NTF3: variants seen among roughly 807,000 people sequenced by gnomAD.
NTF3 encodes the protein neurotrophin 3, also known as neurotrophin-3.
NTF3 carries 8 observed loss-of-function variants against 26.3 expected under a neutral mutation model. That is an observed-to-expected ratio of 0.30 (90% CI 0.18 to 0.55). The LOEUF is 0.55. Among genes scored for constraint, NTF3 ranks in the 20% least tolerant of loss-of-function variants. The pLI is 0.93. For missense variants in NTF3, 276 were observed against 352.9 expected (o/e 0.78, Z 1.75); for synonymous variants, 154 against 145.5 (o/e 1.06, Z -0.42).
chr12:5,475,243 C>T (rs781005516), intron 1 of NTF3, among the ~76,000 whole-genome samples: 3 of 152,064 alleles, frequency 2.0e-5, no homozygotes, highest in East Asian at 3.9e-4. Context: ...AGAGAGGTGC[C>T]GTCTGGAGGA....
At chr12:5,490,174 T>A (rs1294995024) in intron 1 of NTF3, among the ~76,000 whole-genome samples, 1 of 152,116 alleles carries the variant, frequency 6.6e-6, no homozygotes, top group Non-Finnish European at 1.5e-5. Flanking sequence ...TGTATTTTCT[T>A]TGGGAAAAGA....
rs151238666 is a variant in NTF3 at position 5,488,357 on chromosome 12, G to C, written c.19-5837G>C. Among the ~76,000 whole-genome samples the C allele has an allele frequency of 1.2e-3, 189 of 152,280 alleles. 2 individuals carry two copies. The East Asian group carries it at 0.02, about 16-fold the overall frequency. On this transcript the variant is annotated intron_variant, in intron 1 of 1. Coordinates refer to ENST00000423158, the MANE Select transcript of NTF3 (RefSeq NM_001102654.2). ...CACCTTCCCTTTGAGCGTCATCTGT[G>C]CATTTTAATTAATCTGCCACTTTTT...
At chr12:5,462,952 A>G (rs892023095) in intron 1 of NTF3, among the ~76,000 whole-genome samples, 2 of 152,190 alleles carry the variant, frequency 1.3e-5, no homozygotes, top group African/African-American at 4.8e-5. Context: ...GACTCTTTTC[A>G]GAATGTTTCT....
chr12:5,491,716 C>CTTTTTTT (rs5796156), intron 1 of NTF3, among the ~76,000 whole-genome samples: 11 of 98,250 alleles, frequency 1.1e-4, no homozygotes, highest in Non-Finnish European at 1.8e-4. Flanking sequence ...CTCTCCTCTT[C>CTTTTTTT]TTTTTTTTTT....
intron 1 of NTF3, among the ~76,000 whole-genome samples, chr12:5,448,332 A>T (rs565973953): frequency 6.6e-6 from 1 of 151,830 alleles, no homozygotes; most frequent in Non-Finnish European, 1.5e-5. Context: ...GGGCTTTTCT[A>T]TTGGTGGAAT....
rs576671426 is a variant in NTF3, at chr12:5,491,599, G to A, written c.19-2595G>A. ...CACATGGGTTGTGATTTGAGCAGCA[G>A]TGAGTAGTGAATGGGGTTGGAGCAA... On this transcript the variant is annotated intron_variant, in intron 1 of 1. Coordinates refer to ENST00000423158, the MANE Select transcript of NTF3 (RefSeq NM_001102654.2). Among the ~76,000 whole-genome samples, 22 of 152,256 alleles carry A rather than the reference G, an allele frequency of 1.4e-4. No individual in the cohort carries two copies. The South Asian group carries it at 4.6e-3, about 32-fold the overall frequency.
intron 1 of NTF3, among the ~76,000 whole-genome samples, chr12:5,487,600 C>G (rs886280123): frequency 6.6e-6 from 1 of 152,202 alleles, no homozygotes; most frequent in Non-Finnish European, 1.5e-5. Flanking sequence ...CCAGCATCTT[C>G]TGAAAATTGA....
chr12:5,495,050 T>C lies in NTF3; in HGVS notation c.*62T>C. The C allele has an allele frequency of 1.4e-6, 2 of 1,454,218 alleles. No individual in the cohort carries two copies. The highest frequency in any genetic ancestry group is 1.9e-6 in the Non-Finnish European group (2 of 1,065,226). 90.1% of individuals were successfully genotyped at this position (1,454,218 alleles called of 1,614,324 possible). ...AATTATATGATATGCATGTAGCATA[T>C]AAATGTTTATATTGTTTTTATATAT... On this transcript the variant is annotated 3_prime_UTR_variant, in exon 2 of 2. Coordinates refer to ENST00000423158, the MANE Select transcript of NTF3 (RefSeq NM_001102654.2).
chr12:5,440,922 A>G (rs1318560221), intron 1 of NTF3, among the ~76,000 whole-genome samples: 2 of 152,238 alleles, frequency 1.3e-5, no homozygotes, highest in Non-Finnish European at 2.9e-5. Context: ...AAATTAAGTT[A>G]TGTGATGCCA....
At position 5,494,814 on chromosome 12, in the gene NTF3, G is replaced by C. The variant is rs369447541; in HGVS notation, c.639G>C (p.Pro213=). Reference sequence around the variant, plus strand: ...AAACGCGATGTAAGGAAGCCAGGCCGGTCAAAAACGGTTGCAGGGGTATTG... The same window carrying C: ...AAACGCGATGTAAGGAAGCCAGGCCCGTCAAAAACGGTTGCAGGGGTATTG... ...FYETRCKEAR[P]VKNGCRGIDD... The change falls in exon 2 of 2, where the codon CCG becomes CCC. Residue 213 remains proline (P), a synonymous_variant. Transcript: ENST00000423158. This position sits in a 1 kb window ranked among gnomAD's most constrained non-coding sequence, Gnocchi z 8.3. 1 of 1,613,954 alleles carries C rather than the reference G, an allele frequency of 6.2e-7. No individual in the cohort carries two copies. Among genetic ancestry groups the C allele is most frequent in the Non-Finnish European group, 8.5e-7 (1 of 1,180,032 alleles).
chr12:5,484,155 G>A (rs558361365), intron 1 of NTF3, among the ~76,000 whole-genome samples: 7 of 152,278 alleles, frequency 4.6e-5, no homozygotes, highest in African/African-American at 1.7e-4. Flanking sequence ...GCGTAGGGCT[G>A]GTCATCTGGA....
intron 1 of NTF3, among the ~76,000 whole-genome samples, chr12:5,484,129 T>A (rs544266265): frequency 2.0e-5 from 3 of 152,314 alleles, no homozygotes; most frequent in African/African-American, 7.2e-5. Flanking sequence ...GCTCTGTGTG[T>A]GACTGTGGAT....
rs2121264478 is a variant in NTF3 at position 5,494,795 on chromosome 12, G to A, written c.620G>A (p.Arg207Gln). 4 of 1,614,118 alleles carry A rather than the reference G, an allele frequency of 2.5e-6. No individual in the cohort carries two copies. The highest frequency in any genetic ancestry group is 3.4e-6 in the Non-Finnish European group (4 of 1,180,032). Residue 207 changes from arginine (R) to glutamine (Q), a missense_variant, in exon 2 of 2, where the codon CGA (arginine) becomes CAA (glutamine). Physicochemically the swap from Arg to Gln is conservative, Grantham distance 43. This residue lies in a region of NTF3 where 3 missense variants were observed against 16.3 expected (regional missense o/e 0.18). Transcript: ENST00000423158. The surrounding 1 kb of genome is among the most constrained non-coding windows in gnomAD (Gnocchi z 8.3). ...SPVKQYFYET[R>Q]CKEARPVKNG... The stretch of plus-strand genomic sequence containing the variant: ...GTCAAACAATATTTTTATGAAACGC[G>A]ATGTAAGGAAGCCAGGCCGGTCAAA...
chr12:5,440,811 C>T (rs1329833222), intron 1 of NTF3, among the ~76,000 whole-genome samples: 1 of 152,240 alleles, frequency 6.6e-6, no homozygotes, highest in African/African-American at 2.4e-5. Context: ...CATGACTCCG[C>T]TGCTCCCTCG....
At chr12:5,466,114 G>A (rs759106455) in intron 1 of NTF3, among the ~76,000 whole-genome samples, 1 of 152,188 alleles carries the variant, frequency 6.6e-6, no homozygotes, top group Non-Finnish European at 1.5e-5. Flanking sequence ...TGGAAGGGAC[G>A]TGTGGGCGTC....
At chr12:5,446,888 G>A (rs1940313476) in intron 1 of NTF3, among the ~76,000 whole-genome samples, 1 of 152,200 alleles carries the variant, frequency 6.6e-6, no homozygotes, top group South Asian at 2.1e-4. Context: ...CTTGGAATGA[G>A]CCACGCCGAC....
In NTF3 at chr12:5,444,818, A is replaced by G. The variant is rs114917160; in HGVS notation, c.18+12476A>G. 3.2e-3 allele frequency among the ~76,000 whole-genome samples: 487 copies of G among 152,328 alleles called. 8 individuals are homozygous for G. The highest frequency in any genetic ancestry group is 0.011 in the African/African-American group (455 of 41,568). On this transcript the variant is annotated intron_variant, in intron 1 of 1. Transcript: ENST00000423158. Reference sequence around the variant, plus strand: ...GAATGGCTGATGGTTGGATTGATGGAAGAATTAATGAATGAGCAAACGAAT... The same window carrying G: ...GAATGGCTGATGGTTGGATTGATGGGAGAATTAATGAATGAGCAAACGAAT...
intron 1 of NTF3, among the ~76,000 whole-genome samples, chr12:5,446,423 A>G (rs566991034): frequency 1.1e-4 from 16 of 152,350 alleles, no homozygotes; most frequent in South Asian, 2.1e-4. Flanking sequence ...TGATGGCTCA[A>G]TGGGAAGGAA....
intron 1 of NTF3, among the ~76,000 whole-genome samples, chr12:5,440,449 C>G (rs1940222864): frequency 6.6e-6 from 1 of 152,192 alleles, no homozygotes; most frequent in Non-Finnish European, 1.5e-5. Context: ...AGTGATCCCT[C>G]AGGGAGTTTG....
Sources: allele counts gnomAD v4.1 joint callset (sites outside exome capture counted in the v4.1 genomes callset), GRCh38; gene constraint gnomAD v4.1.1; regional missense constraint gnomAD v4.1.1; non-coding constraint Gnocchi (gnomAD v3.1); transcripts MANE v1.5; gene names NCBI Gene and HGNC (gene_info 2026-07-23, HGNC 2026-07-21).